POLB: variants seen among roughly 807,000 people sequenced by gnomAD.
POLB encodes DNA polymerase beta, also known as 5'-dRP lyase.
In POLB, 37 loss-of-function variants were observed where a neutral mutation model predicts 52.7. That is an observed-to-expected ratio of 0.70 (90% confidence interval 0.54 to 0.92). The LOEUF (loss-of-function observed/expected upper bound fraction) is 0.92. Among genes scored for constraint, POLB ranks in the 40% least tolerant of loss-of-function variants. The pLI, the probability that POLB is intolerant of heterozygous loss-of-function variation, is 0.00. For synonymous variants in POLB, 138 were observed against 131.3 expected, an observed-to-expected ratio of 1.05 and a Z score of -0.35; for missense variants, 313 against 400.8, an observed-to-expected ratio of 0.78 and a Z score of 1.87.
intron 2 of POLB, among the ~76,000 whole-genome samples, 160 bp from the exon 3 acceptor site, chr8:42,344,793 A>G (rs796759848): frequency 9.8e-5 from 15 of 152,330 alleles, no homozygotes; most frequent in African/African-American, 3.1e-4. Flanking sequence ...CCAGCCTGGC[A>G]ACAGAGGGAG....
intron 6 of POLB, 133 bp from the exon 7 acceptor site, chr8:42,355,383 C>T: frequency 1.6e-6 from 1 of 624,928 alleles, no homozygotes. Flanking sequence ...AAATTTTTGT[C>T]TCATTGTGTT....
chr8:42,344,417 C>T (rs569521543), intron 2 of POLB, among the ~76,000 whole-genome samples: 34 of 147,946 alleles, frequency 2.3e-4, no homozygotes, highest in Non-Finnish European at 4.0e-4. Context: ...TGTGGTGAGC[C>T]GAGATTGCGC....
At chr8:42,365,749 G>A (rs775577920) in intron 11 of POLB, among the ~76,000 whole-genome samples, 5 of 152,246 alleles carry the variant, frequency 3.3e-5, no homozygotes, top group Middle Eastern at 3.4e-3. Context: ...TGCTGTGCTC[G>A]AAGAGAGATC....
rs534496282 is a variant in POLB, at chr8:42,358,814, C to T, written c.550+1422C>T. 9.9e-5 allele frequency among the ~76,000 whole-genome samples: 15 copies of T among 152,232 alleles called. No homozygotes were observed. The South Asian group carries it at 1.7e-3, about 17-fold the overall frequency. ...CTCTCCTGATCTTAGATTCCATACT[C>T]GCAAAATGAGAGAACTGAAGTTAAC... On this transcript the variant is annotated intron_variant, in intron 9 of 13. Transcript: ENST00000265421.
intron 3 of POLB, among the ~76,000 whole-genome samples, chr8:42,348,149 AGCAATTC>A (rs1283177510): frequency 3.3e-5 from 5 of 152,226 alleles, no homozygotes; most frequent in African/African-American, 1.2e-4. Flanking sequence ...CGTTTGACCT[AGCAATTC>A]CACTTTGACG....
At chr8:42,355,588 T>C in intron 7 of POLB, 21 bp downstream of exon 7, 2 of 1,513,198 alleles carry the variant, frequency 1.3e-6, no homozygotes, top group East Asian at 2.3e-5. Context: ...AGATTTTCTT[T>C]TGACACTTGA....
chr8:42,371,451 C>A, intron 13 of POLB, 112 bp from the exon 14 acceptor site: 1 of 466,458 alleles, frequency 2.1e-6, no homozygotes. Flanking sequence ...ACTTGGTTAC[C>A]ATTTTCTTTT....
chr8:42,350,147 C>T, intron 5 of POLB, 82 bp downstream of exon 5: 2 of 912,664 alleles, frequency 2.2e-6, no homozygotes, highest in Non-Finnish European at 3.7e-6. Flanking sequence ...TGCTGTTTCT[C>T]AAAACCTGTA....
intron 6 of POLB, among the ~76,000 whole-genome samples, chr8:42,355,280 C>A (rs186199670): frequency 1.3e-5 from 2 of 151,818 alleles, no homozygotes; most frequent in Admixed American, 1.3e-4. Flanking sequence ...CCTTGTGATC[C>A]GCCCGCCTCG....
chr8:42,346,062 C>T (rs1472472448), intron 3 of POLB, among the ~76,000 whole-genome samples: 1 of 152,154 alleles, frequency 6.6e-6, no homozygotes, highest in African/African-American at 2.4e-5. Flanking sequence ...GCTGGGACTA[C>T]AGGCATGCGC....
chr8:42,357,192 G>T lies in POLB; in HGVS notation c.446G>T (p.Arg149Ile), dbSNP rs779188078. 6.4e-7 allele frequency: 1 copy of T among 1,558,572 alleles called. No homozygotes were observed. The highest frequency in any genetic ancestry group is 2.2e-5 in the East Asian group (1 of 44,512). ...AGATATTTTGGGGACTTTGAAAAAA[G>T]AATTCCTCGTGAAGAGATGTTACAA... Reference protein sequence around the residue: ...GLKYFGDFEKRIPREEMLQMQ... With the variant: ...GLKYFGDFEKIIPREEMLQMQ... Residue 149 changes from arginine (R) to isoleucine (I), a missense_variant, in exon 8 of 14, where the codon AGA becomes ATA. Physicochemically the swap from Arg to Ile is moderately conservative, Grantham distance 97 (BLOSUM62 -3). Around this residue, in one of 3 missense-constraint regions of POLB, gnomAD observed 246 missense variants for 297.6 expected, o/e 0.83. Transcript: ENST00000265421.
At chr8:42,360,016 C>CAG (rs1823577089) in intron 9 of POLB, among the ~76,000 whole-genome samples, 1 of 151,606 alleles carries the variant, frequency 6.6e-6, no homozygotes, top group Non-Finnish European at 1.5e-5. Context: ...GGTGTGATCT[C>CAG]AGCTCACTGC....
intron 3 of POLB, among the ~76,000 whole-genome samples, chr8:42,347,115 G>A (rs993022394): frequency 1.3e-5 from 2 of 151,868 alleles, no homozygotes; most frequent in Admixed American, 6.6e-5. Flanking sequence ...TCAAATCTGC[G>A]CTTATGGTAT....
chr8:42,342,172 A>G, intron 2 of POLB: 1 of 1,544,090 alleles, frequency 6.5e-7, no homozygotes, highest in Non-Finnish European at 8.8e-7. Context: ...CTTTATTGCC[A>G]GTGGTAGTTC....
intron 11 of POLB, among the ~76,000 whole-genome samples, chr8:42,368,259 T>C (rs1824164807): frequency 1.3e-5 from 2 of 152,206 alleles, no homozygotes; most frequent in Admixed American, 1.3e-4. Flanking sequence ...TCTGATCCAC[T>C]TGAAGGTGGA....
chr8:42,359,521 A>ATTTTT (rs900964546), intron 9 of POLB, among the ~76,000 whole-genome samples: 3 of 110,528 alleles, frequency 2.7e-5, no homozygotes, highest in Admixed American at 9.0e-5. Context: ...CACCCGGCTA[A>ATTTTT]TTTTTTTTTT....
Position 42,371,740 on chromosome 8 carries a change from T to G in POLB, c.*83T>G. 1 of 791,022 alleles carries G rather than the reference T, an allele frequency of 1.3e-6. No individual in the cohort carries two copies. Among genetic ancestry groups the G allele is most frequent in the South Asian group, 1.5e-5 (1 of 67,060 alleles). The allele number at this position is 791,022 out of a possible 1,614,324, so 49.0% of individuals were successfully genotyped here. ...CTTTGCTATGTAAGGGTCTTTGGTG[T>G]TTTTAAATGATTGTTTCTTCTTCAT... On this transcript the variant is annotated 3_prime_UTR_variant, in exon 14 of 14. Transcript: ENST00000265421.
Position 42,338,651 on chromosome 8 carries a change from G to C in POLB, c.27G>C (p.Glu9Asp). The C allele has an allele frequency of 6.2e-7, 1 of 1,614,234 alleles. No homozygotes were observed. The highest frequency in any genetic ancestry group is 8.5e-7 in the Non-Finnish European group (1 of 1,180,022). Residue 9 changes from glutamate to aspartate, a missense_variant, in exon 1 of 14, where the codon GAG becomes GAC. Coordinates refer to ENST00000265421, the MANE Select transcript of POLB (RefSeq NM_002690.3). MSKRKAPQ[E>D]TLNGGITDML... The stretch of plus-strand genomic sequence containing the variant: ...TGAGCAAACGGAAGGCGCCGCAGGA[G>C]ACTCTCAACGGGGGAATCACCGACA...
chr8:42,342,210 T>C, intron 2 of POLB: 5 of 1,554,090 alleles, frequency 3.2e-6, no homozygotes, highest in Non-Finnish European at 4.4e-6. Context: ...AAATAGCAGG[T>C]GAAAGCACCT....
Sources: gnomAD v4.1 joint callset for allele counts (sites outside exome capture counted in the v4.1 genomes callset) on GRCh38, gnomAD v4.1.1 for gene constraint, gnomAD v4.1.1 regional missense constraint, MANE v1.5 for transcripts, NCBI Gene and HGNC (gene_info 2026-07-23, HGNC 2026-07-21) for gene names.